The following ENTHD1 variants were observed in gnomAD, a reference collection of about 807,000 sequenced individuals.
The protein encoded by ENTHD1 is ENTH domain-containing protein 1.
In ENTHD1, 23 loss-of-function variants were observed where a neutral mutation model predicts 39.1. The ratio of observed to expected loss-of-function variants is 0.59; its 90% CI spans 0.42 to 0.83. The LOEUF is 0.83. Ranked by LOEUF, ENTHD1 falls within the 40% of genes least tolerant of loss-of-function variation. The pLI is 0.00. For missense variants in ENTHD1, 624 were observed against 705.4 expected (o/e 0.88, Z 1.31); for synonymous variants, 230 against 258.2 (o/e 0.89, Z 1.05).
At chr22:39,820,483 GAGTC>G (rs943043176) in intron 5 of ENTHD1, among the ~76,000 whole-genome samples, 16 of 152,202 alleles carry the variant, frequency 1.1e-4, no homozygotes, top group African/African-American at 3.9e-4. Flanking sequence ...ACTCAACAGT[GAGTC>G]AGTCAGATCC....
At chr22:39,858,163 T>G (rs1479993839) in intron 3 of ENTHD1, among the ~76,000 whole-genome samples, 1 of 152,248 alleles carries the variant, frequency 6.6e-6, no homozygotes, top group East Asian at 1.9e-4. Flanking sequence ...ACTAAGTTTA[T>G]GTAATATTCT....
At chr22:39,836,139 GAGA>G (rs1381795165) in intron 3 of ENTHD1, among the ~76,000 whole-genome samples, 181 bp from the exon 4 acceptor site, 1 of 152,096 alleles carries the variant, frequency 6.6e-6, no homozygotes, top group Non-Finnish European at 1.5e-5. Context: ...TGTAATAAGT[GAGA>G]AGTTCAGACT....
At chr22:39,795,381 TG>T (rs771852059) in intron 5 of ENTHD1, among the ~76,000 whole-genome samples, 3 of 152,074 alleles carry the variant, frequency 2.0e-5, no homozygotes, top group Non-Finnish European at 4.4e-5. Flanking sequence ...CGAAGCCATC[TG>T]GTCCTGGGCT....
Position 39,868,133 on chromosome 22 carries a change from G to T in ENTHD1, c.350-6126C>A, listed in dbSNP as rs1010155017. On this transcript the variant is annotated intron_variant, in intron 2 of 6. Coordinates refer to ENST00000325157, the MANE Select transcript of ENTHD1 (RefSeq NM_152512.4). ...AAAATAGCCATCAACTGCTTCCCGG[G>T]ATACAACTTATTTGTGGCTGTGGAT... Among the ~76,000 whole-genome samples, 8 of 151,974 alleles carry T rather than the reference G, an allele frequency of 5.3e-5. No homozygotes were observed. In the East Asian group the frequency reaches 1.5e-3, roughly 29 times the overall value.
At chr22:39,825,291 G>A (rs145255407) in intron 4 of ENTHD1, among the ~76,000 whole-genome samples, 2 of 152,276 alleles carry the variant, frequency 1.3e-5, no homozygotes, top group East Asian at 3.9e-4. Context: ...TTGTTAGTAT[G>A]TAGACATTCA....
chr22:39,770,139 C>T (rs2065310521), intron 5 of ENTHD1, among the ~76,000 whole-genome samples: 1 of 152,152 alleles, frequency 6.6e-6, no homozygotes, highest in African/African-American at 2.4e-5. Context: ...AGCTACTGAG[C>T]TGCTGTGTCA....
intron 3 of ENTHD1, among the ~76,000 whole-genome samples, chr22:39,837,306 G>A (rs190583112): frequency 5.0e-4 from 76 of 152,236 alleles, no homozygotes; most frequent in African/African-American, 1.8e-3. Context: ...TTCCAGATCC[G>A]CAACTTCCAC....
chr22:39,875,317 C>T lies in ENTHD1; in HGVS notation c.349+12083G>A, dbSNP rs925674938. On this transcript the variant is annotated intron_variant, in intron 2 of 6. Coordinates refer to ENST00000325157, the MANE Select transcript of ENTHD1 (RefSeq NM_152512.4). ...TTCGGTCGGTCGCAGCCCGCTCGGG[C>T]CCGTTCGCGCCCGTCCTGTCGGCCA... is the stretch of plus-strand genomic sequence containing the variant. 8 of 1,289,650 alleles carry T rather than the reference C, an allele frequency of 6.2e-6. No individual in the cohort carries two copies. In the East Asian group the frequency reaches 2.6e-4, roughly 42 times the overall value. 79.9% of individuals were successfully genotyped at this position (1,289,650 alleles called of 1,614,324 possible).
chr22:39,743,772 A>G lies in ENTHD1; in HGVS notation c.1731T>C (p.Asn577=), dbSNP rs1346234349. 1 of 1,614,160 alleles carries G rather than the reference A, an allele frequency of 6.2e-7. No individual in the cohort carries two copies. Among genetic ancestry groups the G allele is most frequent in the East Asian group, 2.2e-5 (1 of 44,880 alleles). The part of the protein sequence containing the change: ...STVIQELNVI[N]NILMSMSLNS... ...TCAGACTCATGCTCATCAAGATGTT[A>G]TTGATGACATTAAGTTCTTGGATCA... is the stretch of plus-strand genomic sequence containing the variant. Residue 577 remains asparagine, a synonymous_variant, in exon 7 of 7, where the codon AAT becomes AAC. Coordinates refer to ENST00000325157, the MANE Select transcript of ENTHD1 (RefSeq NM_152512.4).
At chr22:39,825,119 T>C (rs2065816704) in intron 4 of ENTHD1, among the ~76,000 whole-genome samples, 1 of 152,230 alleles carries the variant, frequency 6.6e-6, no homozygotes, top group East Asian at 1.9e-4. Context: ...TCTCAACATA[T>C]GGACTCTGTA....
chr22:39,885,347 T>A (rs2066371292), intron 2 of ENTHD1, among the ~76,000 whole-genome samples: 1 of 152,074 alleles, frequency 6.6e-6, no homozygotes, highest in Non-Finnish European at 1.5e-5. Flanking sequence ...CAAAAAAGGA[T>A]AATAACAAGT....
intron 2 of ENTHD1, among the ~76,000 whole-genome samples, chr22:39,879,816 C>T (rs1249942645): frequency 6.6e-6 from 1 of 152,182 alleles, no homozygotes; most frequent in Non-Finnish European, 1.5e-5. Context: ...ACATAAAAAA[C>T]TTCATACAGT....
chr22:39,794,055 G>T (rs1360767321), intron 5 of ENTHD1, among the ~76,000 whole-genome samples: 1 of 152,022 alleles, frequency 6.6e-6, no homozygotes, highest in Non-Finnish European at 1.5e-5. Context: ...TGGGTGGTAT[G>T]ATCATTTTAA....
chr22:39,744,088 A>G lies in ENTHD1; in HGVS notation c.1415T>C (p.Phe472Ser). 6.2e-7 allele frequency: 1 copy of G among 1,614,120 alleles called. No homozygotes were observed. Among genetic ancestry groups the G allele is most frequent in the Non-Finnish European group, 8.5e-7 (1 of 1,179,986 alleles). ...EDKTAKLHHSFASRGPVSSDV... is the reference protein window; with the variant it reads ...EDKTAKLHHSSASRGPVSSDV... ...AGAAGACACTGGGCCCCTAGAAGCA[A>G]AGGAGTGATGCAGCTTGGCTGTCTT... Residue 472 changes from phenylalanine to serine, a missense_variant, in exon 7 of 7, where the codon TTT becomes TCT. Transcript: ENST00000325157.
chr22:39,887,415 C>T lies in ENTHD1; in HGVS notation c.334G>A (p.Ala112Thr). ...TAACCATTACCTTGGTCTTTTCCAG[C>T]TTCATCTATGTGCTGAAAATCTTTT... is the stretch of plus-strand genomic sequence containing the variant. ...TLKDFQHIDE[A>T]GKDQGYYIRE... is the part of the protein sequence containing the mutation. The change falls in exon 2 of 7, where the codon GCT (alanine) becomes ACT (threonine). Residue 112 changes from alanine (A) to threonine (T), a missense_variant. Ala to Thr is a moderately conservative substitution (Grantham distance 58). Transcript: ENST00000325157. 6.2e-7 allele frequency: 1 copy of T among 1,608,344 alleles called. No individual in the cohort carries two copies. The highest frequency in any genetic ancestry group is 8.5e-7 in the Non-Finnish European group (1 of 1,177,374).
At chr22:39,835,981 G>C (rs190190311) in intron 3 of ENTHD1, 23 bp from the exon 4 acceptor site, 172 of 1,553,392 alleles carry the variant, frequency 1.1e-4, no homozygotes, top group African/African-American at 5.8e-4. Context: ...TAAAGCTTAA[G>C]ATTTTACTTT....
chr22:39,856,868 AG>A (rs757475419), intron 3 of ENTHD1, among the ~76,000 whole-genome samples: 9,716 of 147,194 alleles, frequency 0.066, 366 homozygotes, highest in South Asian at 0.12. Flanking sequence ...AAAAAAAAAA[AG>A]AAAGAAAGAA....
chr22:39,794,621 T>G (rs1368679206), intron 5 of ENTHD1, among the ~76,000 whole-genome samples: 1 of 151,836 alleles, frequency 6.6e-6, no homozygotes, highest in Non-Finnish European at 1.5e-5. Flanking sequence ...GCTAACATGG[T>G]GAAACCCCGT....
intron 4 of ENTHD1, among the ~76,000 whole-genome samples, chr22:39,824,607 G>A (rs1418169014): frequency 2.0e-5 from 3 of 152,148 alleles, no homozygotes; most frequent in African/African-American, 7.2e-5. Context: ...TCTATACAAG[G>A]TTTAGGTTGA....
Sources: gnomAD v4.1 joint callset for allele counts (sites outside exome capture counted in the v4.1 genomes callset) on GRCh38, gnomAD v4.1.1 for gene constraint, MANE v1.5 for transcripts, NCBI Gene and HGNC (gene_info 2026-07-23, HGNC 2026-07-21) for gene names.